The following IMMP1L variants were observed in gnomAD, a reference collection of about 807,000 sequenced individuals.
IMMP1L encodes inner mitochondrial membrane peptidase subunit 1.
Under a neutral mutation model 21.8 loss-of-function variants are expected in IMMP1L, and 24 were observed. The ratio of observed to expected loss-of-function variants is 1.10; its 90% CI spans 0.80 to 1.55. The LOEUF is 1.55. Ranked by LOEUF, IMMP1L falls within the 40% of genes most tolerant of loss-of-function variation. The pLI is 0.00. For missense variants in IMMP1L, 195 were observed against 200.7 expected, an observed-to-expected ratio of 0.97 and a Z score of 0.17; for synonymous variants, 46 against 62.8, an observed-to-expected ratio of 0.73 and a Z score of 1.26.
chr11:31,505,193 A>G (rs1433532674), intron 1 of IMMP1L, among the ~76,000 whole-genome samples: 1 of 151,824 alleles, frequency 6.6e-6, no homozygotes, highest in Non-Finnish European at 1.5e-5. Flanking sequence ...TGTTCATTAT[A>G]TGTTTTCTGG....
intron 4 of IMMP1L, chr11:31,452,976 T>C (rs1953808078): frequency 2.2e-6 from 2 of 923,244 alleles, no homozygotes; most frequent in Non-Finnish European, 3.0e-6. Context: ...GGTCTCAAAC[T>C]CTTGACCTCA....
intron 4 of IMMP1L, chr11:31,437,137 T>C (rs1233442620): frequency 2.2e-6 from 1 of 450,100 alleles, no homozygotes; most frequent in South Asian, 1.6e-5. Context: ...GCAGGTTGAG[T>C]ATCTCTTATC....
At chr11:31,433,936 A>G (rs1369726228) in intron 4 of IMMP1L, among the ~76,000 whole-genome samples, 2 of 152,188 alleles carry the variant, frequency 1.3e-5, no homozygotes, top group African/African-American at 2.4e-5. Context: ...TTGTGTCTCA[A>G]TAACAGTATA....
rs370034872 is a variant in IMMP1L, at chr11:31,454,435, G to A, written c.321+1825C>T. Among the ~76,000 whole-genome samples the A allele has an allele frequency of 1.1e-4, 10 of 93,232 alleles. 1 individual carries two copies. The South Asian group carries it at 3.7e-3, about 35-fold the overall frequency. 61.2% of individuals were successfully genotyped at this position (93,232 alleles called of 152,430 possible). On this transcript the variant is annotated intron_variant, in intron 4 of 5. Coordinates refer to ENST00000532287, the MANE Select transcript of IMMP1L (RefSeq NM_001304274.2). ...CCACTGCACTCCAGCTTGGGCAACA[G>A]AGCAAGACCATGTCAAAAAAAAAAA...
intron 4 of IMMP1L, among the ~76,000 whole-genome samples, chr11:31,434,383 A>C (rs1953041929): frequency 6.6e-6 from 1 of 152,144 alleles, no homozygotes; most frequent in Admixed American, 6.5e-5. Context: ...GTTCAATGTA[A>C]ACTAAAAAAC....
chr11:31,498,098 G>GA (rs1162871354), intron 1 of IMMP1L, among the ~76,000 whole-genome samples: 1 of 152,058 alleles, frequency 6.6e-6, no homozygotes, highest in Admixed American at 6.5e-5. Context: ...AATGTTAATA[G>GA]AAAAAACATA....
At chr11:31,500,569 C>T (rs991911569) in intron 1 of IMMP1L, among the ~76,000 whole-genome samples, 1 of 150,246 alleles carries the variant, frequency 6.7e-6, no homozygotes, top group Non-Finnish European at 1.5e-5. Flanking sequence ...TCCTCTCTCC[C>T]CTCCAAAAAT....
At chr11:31,449,835 GGT>G (rs1419510304) in intron 4 of IMMP1L, among the ~76,000 whole-genome samples, 2 of 152,066 alleles carry the variant, frequency 1.3e-5, no homozygotes, top group African/African-American at 2.4e-5. Context: ...AGATATCTTT[GGT>G]AGCCCTCAGA....
intron 1 of IMMP1L, among the ~76,000 whole-genome samples, chr11:31,469,250 G>T (rs1954463611): frequency 6.6e-6 from 1 of 151,710 alleles, no homozygotes; most frequent in African/African-American, 2.4e-5. Flanking sequence ...AGAATCAAAT[G>T]ACTGAAAGCC....
intron 4 of IMMP1L, among the ~76,000 whole-genome samples, chr11:31,442,206 A>C (rs190207355): frequency 4.5e-4 from 68 of 152,300 alleles, no homozygotes; most frequent in Non-Finnish European, 7.9e-4. Context: ...GATAAAACCT[A>C]ATCTCAGGGC....
chr11:31,459,097 T>A (rs755512264), intron 3 of IMMP1L, among the ~76,000 whole-genome samples: 1 of 152,212 alleles, frequency 6.6e-6, no homozygotes, highest in Non-Finnish European at 1.5e-5. Flanking sequence ...CAATCTATTA[T>A]ATAAGTTTTA....
chr11:31,479,411 T>C (rs911303211), intron 1 of IMMP1L, among the ~76,000 whole-genome samples: 1 of 152,092 alleles, frequency 6.6e-6, no homozygotes, highest in South Asian at 2.1e-4. Flanking sequence ...TAAAAAACTT[T>C]ATGTAATTTC....
At chr11:31,481,372 T>C (rs1312349651) in intron 1 of IMMP1L, among the ~76,000 whole-genome samples, 1 of 152,090 alleles carries the variant, frequency 6.6e-6, no homozygotes, top group Non-Finnish European at 1.5e-5. Context: ...TAATACTTAA[T>C]TTGATGCTTT....
intron 1 of IMMP1L, among the ~76,000 whole-genome samples, chr11:31,471,885 G>A (rs994394426): frequency 6.6e-6 from 1 of 152,048 alleles, no homozygotes; most frequent in Non-Finnish European, 1.5e-5. Flanking sequence ...GGTACCACTG[G>A]GCTAAAAAAT....
At chr11:31,479,160 C>T (rs1000232629) in intron 1 of IMMP1L, among the ~76,000 whole-genome samples, 2 of 151,932 alleles carry the variant, frequency 1.3e-5, no homozygotes, top group East Asian at 3.8e-4. Flanking sequence ...CTAAGATTTG[C>T]GATGGAATTC....
intron 1 of IMMP1L, among the ~76,000 whole-genome samples, chr11:31,481,517 G>A (rs1399071147): frequency 2.6e-5 from 4 of 151,602 alleles, no homozygotes; most frequent in Non-Finnish European, 5.9e-5. Context: ...ACTTTCATTA[G>A]GAAATATAAA....
At chr11:31,489,616 T>C (rs534918085) in intron 1 of IMMP1L, among the ~76,000 whole-genome samples, 62 of 152,306 alleles carry the variant, frequency 4.1e-4, no homozygotes, top group African/African-American at 1.1e-3. Flanking sequence ...ATCTTATCTC[T>C]TGCCTTTGCT....
At chr11:31,472,293 G>A (rs1954579134) in intron 1 of IMMP1L, among the ~76,000 whole-genome samples, 1 of 152,188 alleles carries the variant, frequency 6.6e-6, no homozygotes, top group Non-Finnish European at 1.5e-5. Context: ...TTACTAAACT[G>A]TGGTTCCTCA....
chr11:31,475,961 AAAACCTTCCAGAC>A (rs1275181988), intron 1 of IMMP1L, among the ~76,000 whole-genome samples: 2 of 152,218 alleles, frequency 1.3e-5, no homozygotes, highest in Admixed American at 1.3e-4. Context: ...CAGGTTTAGT[AAAACCTTCCAGAC>A]AAATTCTGTT....
Sources: gnomAD v4.1 joint callset for allele counts (sites outside exome capture counted in the v4.1 genomes callset) on GRCh38, gnomAD v4.1.1 for gene constraint, MANE v1.5 for transcripts, NCBI Gene and HGNC (gene_info 2026-07-23, HGNC 2026-07-21) for gene names.